ZMIZ1: variants seen among roughly 807,000 people sequenced by gnomAD.
ZMIZ1 encodes zinc finger MIZ domain-containing protein 1.
Under a neutral mutation model 113.9 loss-of-function variants are expected in ZMIZ1, and 17 were observed. That is an observed-to-expected ratio of 0.15 (90% CI 0.10 to 0.22). The LOEUF (loss-of-function observed/expected upper bound fraction) is 0.22. ZMIZ1 is among the 10% of genes least tolerant of loss of function. The probability of loss-of-function intolerance (pLI) is 1.00; values close to 1 mark genes in which losing one functional copy is unlikely to be tolerated. For missense variants in ZMIZ1, 1,059 were observed against 1,477.8 expected (o/e 0.72, Z 4.65); for synonymous variants, 607 against 603.1 (o/e 1.01, Z -0.09).
At chr10:79,160,080 G>A (rs1037318605) in intron 3 of ZMIZ1, among the ~76,000 whole-genome samples, 3 of 152,224 alleles carry the variant, frequency 2.0e-5, no homozygotes, top group Admixed American at 2.0e-4. Flanking sequence ...TTTGGGAAAG[G>A]CCTAGCTGTG....
intron 7 of ZMIZ1, among the ~76,000 whole-genome samples, chr10:79,259,302 G>C (rs11002897): frequency 0.36 from 54,240 of 151,926 alleles, 10,186 homozygotes; most frequent in East Asian, 0.64. Context: ...AGAAGAGAGA[G>C]GAGGCCAGAC....
At chr10:79,187,824 C>A (rs1340884120) in intron 4 of ZMIZ1, among the ~76,000 whole-genome samples, 2 of 152,198 alleles carry the variant, frequency 1.3e-5, no homozygotes, top group Non-Finnish European at 2.9e-5. Context: ...AAGGGCCTCC[C>A]TCTGGGCAGC....
intron 3 of ZMIZ1, among the ~76,000 whole-genome samples, chr10:79,154,579 C>G (rs1165484275): frequency 6.6e-6 from 1 of 152,226 alleles, no homozygotes; most frequent in Non-Finnish European, 1.5e-5. Flanking sequence ...CCCCTTTAAG[C>G]AAGACCTCGG....
intron 8 of ZMIZ1, among the ~76,000 whole-genome samples, chr10:79,282,084 C>G (rs531864555): frequency 6.6e-6 from 1 of 152,346 alleles, no homozygotes; most frequent in South Asian, 2.1e-4. Flanking sequence ...TCTCTCCTTG[C>G]AACCTTTAGG....
intron 5 of ZMIZ1, among the ~76,000 whole-genome samples, chr10:79,204,425 G>A (rs539850709): frequency 8.9e-4 from 136 of 152,334 alleles, no homozygotes; most frequent in African/African-American, 3.2e-3. Context: ...GGAGAGCCCT[G>A]CAAATCAGCT....
chr10:79,122,479 C>A (rs982437112), intron 2 of ZMIZ1, among the ~76,000 whole-genome samples: 14 of 152,124 alleles, frequency 9.2e-5, no homozygotes, highest in African/African-American at 3.4e-4. Flanking sequence ...GGAGTCTACT[C>A]TGTTTTATTT....
intron 1 of ZMIZ1, among the ~76,000 whole-genome samples, chr10:79,107,468 G>T (rs1420994526): frequency 6.6e-6 from 1 of 152,204 alleles, no homozygotes; most frequent in Non-Finnish European, 1.5e-5. Context: ...TGTGGGGCCC[G>T]CCAGTGGTGT....
At chr10:79,231,189 G>A (rs1849380655) in intron 7 of ZMIZ1, among the ~76,000 whole-genome samples, 1 of 152,274 alleles carries the variant, frequency 6.6e-6, no homozygotes, top group Non-Finnish European at 1.5e-5. Context: ...CTGAGGCCAT[G>A]CGTGACACAC....
At chr10:79,073,751 C>T (rs1267842379) in intron 1 of ZMIZ1, among the ~76,000 whole-genome samples, 2 of 151,750 alleles carry the variant, frequency 1.3e-5, no homozygotes, top group African/African-American at 4.9e-5. Flanking sequence ...TGTCATCTGC[C>T]TTTGTGTGCC....
At chr10:79,122,324 G>A (rs1844328558) in intron 2 of ZMIZ1, among the ~76,000 whole-genome samples, 1 of 152,108 alleles carries the variant, frequency 6.6e-6, no homozygotes, top group Admixed American at 6.5e-5. Context: ...GGCCGGGGTG[G>A]AGTGGCAACT....
At chr10:79,116,503 G>A (rs1021223532) in intron 1 of ZMIZ1, among the ~76,000 whole-genome samples, 1 of 152,140 alleles carries the variant, frequency 6.6e-6, no homozygotes. Flanking sequence ...GCTTGAGCAT[G>A]GTAGGAAGGG....
At chr10:79,263,321 A>C (rs1851381280) in intron 7 of ZMIZ1, among the ~76,000 whole-genome samples, 1 of 152,192 alleles carries the variant, frequency 6.6e-6, no homozygotes, top group African/African-American at 2.4e-5. Flanking sequence ...GGAACCTGAG[A>C]GTCTTGGCAA....
chr10:79,109,742 G>A (rs1218336109), intron 1 of ZMIZ1, among the ~76,000 whole-genome samples: 4 of 152,256 alleles, frequency 2.6e-5, no homozygotes, highest in African/African-American at 7.2e-5. Context: ...TCTGTTGCCA[G>A]CATGTGGCCC....
intron 2 of ZMIZ1, among the ~76,000 whole-genome samples, chr10:79,120,523 T>G (rs1438989949): frequency 1.3e-5 from 2 of 152,132 alleles, no homozygotes; most frequent in Non-Finnish European, 2.9e-5. Context: ...GTGTGTATGT[T>G]GGGGAGGGTG....
intron 3 of ZMIZ1, among the ~76,000 whole-genome samples, chr10:79,146,731 C>A (rs1432472575): frequency 6.6e-6 from 1 of 152,176 alleles, no homozygotes; most frequent in Admixed American, 6.5e-5. Context: ...TGGGCGGGTG[C>A]TCTGCCCCCT....
chr10:79,301,469 A>G (rs931014381), intron 17 of ZMIZ1, among the ~76,000 whole-genome samples: 3 of 151,746 alleles, frequency 2.0e-5, no homozygotes, highest in Non-Finnish European at 4.4e-5. Context: ...AGCCACCCTC[A>G]TGTCCCCTGA....
Position 79,296,726 on chromosome 10 carries a change from G to C in ZMIZ1, c.1413+73G>C. 7.0e-7 allele frequency: 1 copy of C among 1,424,198 alleles called. No homozygotes were observed. The highest frequency in any genetic ancestry group is 9.4e-7 in the Non-Finnish European group (1 of 1,058,784). 88.2% of individuals were successfully genotyped at this position (1,424,198 alleles called of 1,614,324 possible). A position where few individuals can be genotyped will look rare whatever the true frequency, so the allele number is the denominator to read the frequency against. Reference sequence around the variant, plus strand: ...CACCTCACTCCCCTAACTCCACCGGGATCACTCTGACCCTGCGTGTGTTTG... The same window carrying C: ...CACCTCACTCCCCTAACTCCACCGGCATCACTCTGACCCTGCGTGTGTTTG... On this transcript the variant is annotated intron_variant, in intron 13 of 24. Transcript: ENST00000334512. The surrounding 1 kb of genome is among the most constrained non-coding windows in gnomAD (Gnocchi z 4.1).
At chr10:79,076,636 C>G (rs114757782) in intron 1 of ZMIZ1, among the ~76,000 whole-genome samples, 2 of 152,188 alleles carry the variant, frequency 1.3e-5, no homozygotes, top group Non-Finnish European at 2.9e-5. Context: ...GAGTTTGACA[C>G]CAGCCTGGTC....
chr10:79,131,573 C>T (rs1844772037), intron 2 of ZMIZ1, among the ~76,000 whole-genome samples: 1 of 152,194 alleles, frequency 6.6e-6, no homozygotes, highest in Non-Finnish European at 1.5e-5. Context: ...TTTCTCACAG[C>T]CCTGAAAACC....
Sources: gnomAD v4.1 joint callset for allele counts (sites outside exome capture counted in the v4.1 genomes callset) on GRCh38, gnomAD v4.1.1 for gene constraint, Gnocchi (gnomAD v3.1) non-coding constraint, MANE v1.5 for transcripts, NCBI Gene and HGNC (gene_info 2026-07-23, HGNC 2026-07-21) for gene names.